Variants in PCDHA5 observed in about 807,000 individuals in gnomAD.
PCDHA5 encodes protocadherin alpha-5.
Under a neutral mutation model 61.6 loss-of-function variants are expected in PCDHA5, and 43 were observed. The ratio of observed to expected loss-of-function variants is 0.70; its 90% CI spans 0.55 to 0.90. The LOEUF (loss-of-function observed/expected upper bound fraction) is 0.90, where lower values mean the gene tolerates loss of function less well. Among genes scored for constraint, PCDHA5 ranks in the 40% least tolerant of loss-of-function variants. PCDHA5 has a pLI of 0.00. For synonymous variants in PCDHA5, 627 were observed against 543.9 expected, an observed-to-expected ratio of 1.15 and a Z score of -2.13; for missense variants, 1,298 against 1,222.7, an observed-to-expected ratio of 1.06 and a Z score of -0.92.
rs782564165 is a variant in PCDHA5, at chr5:141,010,450, G to A, written c.*513G>A. ...AAGAAAACAAAGACAAATAAACAGC[G>A]GAAGTTATCAGTATGGAGGGGAAGT... On this transcript the variant is annotated 3_prime_UTR_variant, in exon 4 of 4. Transcript: ENST00000529859. The A allele has an allele frequency of 6.5e-6, 6 of 920,764 alleles. No individual in the cohort carries two copies. The East Asian group carries it at 8.2e-5, about 13-fold the overall frequency. 57.0% of individuals were successfully genotyped at this position (920,764 alleles called of 1,614,324 possible).
intron 1 of PCDHA5, chr5:140,869,142 A>G: frequency 6.2e-7 from 1 of 1,613,402 alleles, no homozygotes; most frequent in Non-Finnish European, 8.5e-7. Context: ...GCACCCCACG[A>G]CTACAGCTCT....
chr5:140,888,271 T>A (rs1466153758), intron 1 of PCDHA5, among the ~76,000 whole-genome samples: 2 of 152,068 alleles, frequency 1.3e-5, no homozygotes, highest in African/African-American at 4.8e-5. Context: ...TAAGAAACAG[T>A]TTTGTCCCCT....
intron 3 of PCDHA5, among the ~76,000 whole-genome samples, chr5:141,008,176 C>T (rs2098363819): frequency 6.6e-6 from 1 of 152,032 alleles, no homozygotes; most frequent in East Asian, 1.9e-4. Context: ...AAAATGTGAC[C>T]ATTGATTGTG....
At chr5:140,901,340 T>G (rs1306421981) in intron 1 of PCDHA5, among the ~76,000 whole-genome samples, 1 of 152,206 alleles carries the variant, frequency 6.6e-6, no homozygotes, top group Non-Finnish European at 1.5e-5. Context: ...CGTTTTATAG[T>G]TTGATGTCTT....
chr5:140,857,802 T>G (rs251364), intron 1 of PCDHA5: 998,681 of 1,596,370 alleles, frequency 0.63, 345,026 homozygotes, highest in African/African-American at 0.69. Context: ...CGGTCGGTGG[T>G]TGCGGGTCAC....
chr5:140,836,541 G>A (rs2150263508), intron 1 of PCDHA5: 2 of 1,613,818 alleles, frequency 1.2e-6, no homozygotes, highest in Non-Finnish European at 1.7e-6. Context: ...GCTGTACACG[G>A]CGTTGCGGTG....
intron 3 of PCDHA5, among the ~76,000 whole-genome samples, chr5:140,997,147 A>G (rs545988847): frequency 5.9e-5 from 9 of 152,134 alleles, no homozygotes; most frequent in African/African-American, 2.2e-4. Context: ...CCCCCGCCAC[A>G]GTGACATCCT....
intron 1 of PCDHA5, chr5:140,851,167 C>T: frequency 7.8e-7 from 1 of 1,282,038 alleles, no homozygotes. Context: ...GCTATGCTGC[C>T]ATAACACTTG....
At chr5:140,857,506 C>A in intron 1 of PCDHA5, 2 of 1,598,276 alleles carry the variant, frequency 1.3e-6, no homozygotes, top group Non-Finnish European at 1.7e-6. Flanking sequence ...CGCAGGAGAA[C>A]GCCCTGGTGT....
At chr5:140,968,609 G>C (rs1554230915) in intron 1 of PCDHA5, 1 of 1,614,194 alleles carries the variant, frequency 6.2e-7, no homozygotes, top group Admixed American at 1.7e-5. Context: ...CTCAGACTCT[G>C]GGCAAAATGC....
chr5:140,890,739 C>T (rs1202760840), intron 1 of PCDHA5, among the ~76,000 whole-genome samples: 1 of 152,112 alleles, frequency 6.6e-6, no homozygotes, highest in Non-Finnish European at 1.5e-5. Flanking sequence ...GACTTATATA[C>T]TATTTCTGTC....
chr5:141,005,664 T>G (rs1554260244), intron 3 of PCDHA5, among the ~76,000 whole-genome samples: 1 of 122,102 alleles, frequency 8.2e-6, no homozygotes. Flanking sequence ...ATCGCGCCAC[T>G]GCACTCCAGC....
At chr5:140,850,480 C>G in intron 1 of PCDHA5, 1 of 1,597,900 alleles carries the variant, frequency 6.3e-7, no homozygotes, top group Non-Finnish European at 8.6e-7. Flanking sequence ...CTGACGGCCA[C>G]GGCCACTGTG....
intron 1 of PCDHA5, among the ~76,000 whole-genome samples, chr5:140,974,552 C>A (rs1554236185): frequency 6.6e-6 from 1 of 152,112 alleles, no homozygotes; most frequent in Non-Finnish European, 1.5e-5. Context: ...GCTCTTGTTG[C>A]CCAGGCTGGA....
At chr5:140,849,904 C>A in intron 1 of PCDHA5, 1 of 1,598,318 alleles carries the variant, frequency 6.3e-7, no homozygotes, top group Non-Finnish European at 8.6e-7. Context: ...AACAACCCGC[C>A]GGGCTGCCAC....
rs2150206938 is a variant in PCDHA5, at chr5:140,833,198, G to A, written c.2352+9071G>A. ...ATGACTGCAAGGATTAAATGAAGGA[G>A]AATGAAATAGGAATGGACAGGTTAC... On this transcript the variant is annotated intron_variant, in intron 1 of 3. Coordinates refer to ENST00000529859, the MANE Select transcript of PCDHA5 (RefSeq NM_018908.3). 2.0e-5 allele frequency among the ~76,000 whole-genome samples: 3 copies of A among 152,116 alleles called. No homozygotes were observed. In the East Asian group the frequency reaches 5.8e-4, roughly 29 times the overall value.
chr5:140,925,337 AT>A (rs1197479455), intron 1 of PCDHA5, among the ~76,000 whole-genome samples: 1 of 152,072 alleles, frequency 6.6e-6, no homozygotes, highest in Non-Finnish European at 1.5e-5. Flanking sequence ...TAAAAGAAGG[AT>A]TTGAGTGAGG....
intron 1 of PCDHA5, chr5:140,852,862 T>C (rs1477791467): frequency 2.1e-6 from 2 of 960,286 alleles, no homozygotes; most frequent in East Asian, 1.1e-4. Context: ...GCATTTACTA[T>C]GTCATCAATA....
intron 1 of PCDHA5, among the ~76,000 whole-genome samples, chr5:140,922,233 A>T (rs1226444776): frequency 6.6e-6 from 1 of 152,220 alleles, no homozygotes; most frequent in Non-Finnish European, 1.5e-5. Flanking sequence ...CTCAACCATG[A>T]TGTGTATGAA....
Sources: gnomAD v4.1 joint callset for allele counts (sites outside exome capture counted in the v4.1 genomes callset) on GRCh38, gnomAD v4.1.1 for gene constraint, MANE v1.5 for transcripts, NCBI Gene and HGNC (gene_info 2026-07-23, HGNC 2026-07-21) for gene names.